PTPRJ: variants seen among roughly 807,000 people sequenced by gnomAD.
PTPRJ encodes receptor-type tyrosine-protein phosphatase eta.
PTPRJ carries 129 observed loss-of-function variants against 141.3 expected under a neutral mutation model. The observed-to-expected ratio is 0.91, with a 90% CI of 0.79 to 1.06. The LOEUF (loss-of-function observed/expected upper bound fraction) is 1.06, where lower values mean the gene tolerates loss of function less well. Ranked by LOEUF, PTPRJ falls within the 50% of genes least tolerant of loss-of-function variation. PTPRJ has a pLI of 0.00. For missense variants in PTPRJ, 1,601 were observed against 1,679.7 expected (o/e 0.95, Z 0.82); for synonymous variants, 610 against 640.5 (o/e 0.95, Z 0.72).
intron 1 of PTPRJ, among the ~76,000 whole-genome samples, chr11:48,079,432 TTG>T (rs1855501798): frequency 6.6e-6 from 1 of 151,366 alleles, no homozygotes; most frequent in Non-Finnish European, 1.5e-5. Context: ...GTGTGTGTGT[TTG>T]TGTGTGTGAG....
At chr11:48,088,470 C>T (rs1008916326) in intron 1 of PTPRJ, among the ~76,000 whole-genome samples, 3 of 152,172 alleles carry the variant, frequency 2.0e-5, no homozygotes, top group Non-Finnish European at 4.4e-5. Flanking sequence ...TTAGTGGCTG[C>T]ATATGTTTGC....
At chr11:48,102,453 G>C (rs1856172174) in intron 1 of PTPRJ, among the ~76,000 whole-genome samples, 1 of 152,014 alleles carries the variant, frequency 6.6e-6, no homozygotes, top group African/African-American at 2.4e-5. Flanking sequence ...TTGTTGCCCA[G>C]GCTGGAGGAC....
intron 1 of PTPRJ, among the ~76,000 whole-genome samples, chr11:48,060,921 T>A (rs1329455255): frequency 2.0e-5 from 3 of 152,242 alleles, no homozygotes; most frequent in Non-Finnish European, 4.4e-5. Context: ...GTGTGCAGTG[T>A]GCTGCTTGGG....
rs557730129 is a variant in PTPRJ, at chr11:48,015,213, C to T, written c.96+34205C>T. Among the ~76,000 whole-genome samples, 7 of 151,948 alleles carry T rather than the reference C, an allele frequency of 4.6e-5. No individual in the cohort carries two copies. The East Asian group carries it at 1.2e-3, about 25-fold the overall frequency. Reference sequence around the variant, plus strand: ...ATCACTGTGTCCGTTTATGAAGGCCCGATGGAGAAGAGGCTCTGAATCAGG... The same window carrying T: ...ATCACTGTGTCCGTTTATGAAGGCCTGATGGAGAAGAGGCTCTGAATCAGG... On this transcript the variant is annotated intron_variant, in intron 1 of 24. Transcript: ENST00000418331.
chr11:48,134,763 C>T (rs1236335777), intron 8 of PTPRJ, among the ~76,000 whole-genome samples: 2 of 152,186 alleles, frequency 1.3e-5, no homozygotes, highest in Non-Finnish European at 2.9e-5. Context: ...TCTATGTAGG[C>T]ATCCCTGGTG....
intron 1 of PTPRJ, among the ~76,000 whole-genome samples, chr11:48,053,561 T>A (rs1040943344): frequency 7.4e-6 from 1 of 134,370 alleles, no homozygotes; most frequent in Non-Finnish European, 1.5e-5. Context: ...TATATATAAT[T>A]TATATATATA....
At chr11:48,106,319 G>A (rs936997479) in intron 1 of PTPRJ, among the ~76,000 whole-genome samples, 1 of 152,152 alleles carries the variant, frequency 6.6e-6, no homozygotes, top group Admixed American at 6.5e-5. Flanking sequence ...TCCTAATTTT[G>A]TGTGTACATG....
chr11:48,153,007 C>T (rs548761588), intron 18 of PTPRJ, among the ~76,000 whole-genome samples: 3 of 152,154 alleles, frequency 2.0e-5, no homozygotes, highest in Non-Finnish European at 4.4e-5. Context: ...ACCCATATCA[C>T]CTCTACATTT....
At position 48,124,961 on chromosome 11, in the gene PTPRJ, G is replaced by T; in HGVS notation, c.875-7G>T. 1 of 1,613,442 alleles carries T rather than the reference G, an allele frequency of 6.2e-7. No homozygotes were observed. Among genetic ancestry groups the T allele is most frequent in the South Asian group, 1.1e-5 (1 of 91,052 alleles). Reference sequence around the variant, plus strand: ...TGATGTCTTTTTGTCTCCTGTGCTTGAAACAGATGCCAGCAATACAGAGAG... The same window carrying T: ...TGATGTCTTTTTGTCTCCTGTGCTTTAAACAGATGCCAGCAATACAGAGAG... On this transcript the variant is annotated splice_polypyrimidine_tract_variant and splice_region_variant and intron_variant, in intron 5 of 24. Transcript: ENST00000418331.
chr11:48,120,352 A>G (rs1230459413), intron 3 of PTPRJ, among the ~76,000 whole-genome samples: 3 of 152,170 alleles, frequency 2.0e-5, no homozygotes, highest in African/African-American at 7.2e-5. Flanking sequence ...GGTTTGGCAA[A>G]AAAGTTATCA....
intron 1 of PTPRJ, among the ~76,000 whole-genome samples, chr11:48,018,978 GCTTT>G (rs956987976): frequency 3.9e-5 from 6 of 152,058 alleles, no homozygotes; most frequent in Non-Finnish European, 7.4e-5. Context: ...CTCTCTCCAC[GCTTT>G]CTTCTTGTGT....
chr11:48,073,560 A>G (rs1262232569), intron 1 of PTPRJ, among the ~76,000 whole-genome samples: 1 of 152,092 alleles, frequency 6.6e-6, no homozygotes, highest in African/African-American at 2.4e-5. Context: ...TTTTCTGTTT[A>G]TGGCTTCTTC....
At chr11:48,042,174 T>C (rs759236600) in intron 1 of PTPRJ, among the ~76,000 whole-genome samples, 4 of 152,168 alleles carry the variant, frequency 2.6e-5, no homozygotes, top group African/African-American at 7.2e-5. Flanking sequence ...GACTGCTGGA[T>C]AGGGTGTTGC....
intron 15 of PTPRJ, among the ~76,000 whole-genome samples, chr11:48,147,292 C>T (rs2134372167): frequency 6.6e-6 from 1 of 152,336 alleles, no homozygotes. Context: ...TGAACACCAG[C>T]TCTGTCTTTG....
chr11:47,980,937 C>T lies in PTPRJ; in HGVS notation c.25C>T (p.Arg9Trp). 1 of 1,170,126 alleles carries T rather than the reference C, an allele frequency of 8.5e-7. No homozygotes were observed. The highest frequency in any genetic ancestry group is 1.1e-6 in the Non-Finnish European group (1 of 949,656). The allele number at this position is 1,170,126 out of a possible 1,614,324, so 72.5% of individuals were successfully genotyped here. A position where few individuals can be genotyped will look rare whatever the true frequency, so the allele number is the denominator to read the frequency against. ...CATGAAGCCGGCGGCGCGGGAGGCG[C>T]GGCTGCCTCCGCGCTCGCCCGGGCT... MKPAAREA[R>W]LPPRSPGLRW... The change falls in exon 1 of 25, where the codon CGG becomes TGG. Residue 9 changes from arginine (R) to tryptophan (W), a missense_variant. By Grantham distance (101) the Arg-to-Trp change is moderately radical. Coordinates refer to ENST00000418331, the MANE Select transcript of PTPRJ (RefSeq NM_002843.4).
rs1490838733 is a variant in PTPRJ, at chr11:48,053,166, T to C, written c.97-56892T>C. On this transcript the variant is annotated intron_variant, in intron 1 of 24. Coordinates refer to ENST00000418331, the MANE Select transcript of PTPRJ (RefSeq NM_002843.4). ...TATAAAAATAAATATATATTATATA[T>C]ATAAAAATATATAAATATATATAAA... Among the ~76,000 whole-genome samples, 4 of 107,364 alleles carry C rather than the reference T, an allele frequency of 3.7e-5. No homozygotes were observed. In the South Asian group the frequency reaches 7.1e-4, roughly 19 times the overall value. The allele number at this position is 107,364 out of a possible 152,430, so 70.4% of individuals were successfully genotyped here.
In PTPRJ at chr11:48,110,051, G is replaced by C. The variant is rs750354162; in HGVS notation, c.97-7G>C. On this transcript the variant is annotated splice_polypyrimidine_tract_variant and splice_region_variant and intron_variant, in intron 1 of 24. Coordinates refer to ENST00000418331, the MANE Select transcript of PTPRJ (RefSeq NM_002843.4). ...CTGCTGACTTCCGTTTTCTTTTTCTGTTTCAGATCCTGTGCGCAGGTGGCA... is the reference window on the plus strand; with the variant it reads ...CTGCTGACTTCCGTTTTCTTTTTCTCTTTCAGATCCTGTGCGCAGGTGGCA... The C allele has an allele frequency of 2.5e-6, 4 of 1,613,456 alleles. No homozygotes were observed. In the Admixed American group the frequency reaches 5.0e-5, roughly 20 times the overall value.
chr11:48,141,343 T>C (rs149474760), intron 11 of PTPRJ, among the ~76,000 whole-genome samples: 105 of 150,204 alleles, frequency 7.0e-4, no homozygotes, highest in African/African-American at 2.5e-3. Context: ...AAAGGGGGGG[T>C]GTGCACAATC....
At chr11:47,999,351 A>G (rs1206399168) in intron 1 of PTPRJ, among the ~76,000 whole-genome samples, 2 of 152,222 alleles carry the variant, frequency 1.3e-5, no homozygotes, top group East Asian at 3.8e-4. Context: ...TTTGGAAGGA[A>G]TCTGTTAAGA....
Sources: allele counts gnomAD v4.1 joint callset (sites outside exome capture counted in the v4.1 genomes callset), GRCh38; gene constraint gnomAD v4.1.1; transcripts MANE v1.5; gene names NCBI Gene and HGNC (gene_info 2026-07-23, HGNC 2026-07-21).